EPHA1: variants seen among roughly 807,000 people sequenced by gnomAD.
The protein encoded by EPHA1 is ephrin type-A receptor 1.
In EPHA1, 92 loss-of-function variants were observed where a neutral mutation model predicts 110.1. The observed-to-expected ratio is 0.84, with a 90% confidence interval of 0.71 to 0.99. EPHA1 has a LOEUF of 0.99. Ranked by LOEUF, EPHA1 falls within the 50% of genes least tolerant of loss-of-function variation. EPHA1 has a pLI of 0.00. For synonymous variants in EPHA1, 500 were observed against 516.1 expected, an observed-to-expected ratio of 0.97 and a Z score of 0.42; for missense variants, 1,204 against 1,285.4, an observed-to-expected ratio of 0.94 and a Z score of 0.97.
In EPHA1 at chr7:143,397,940, T is replaced by C. The variant is rs1181962967; in HGVS notation, c.1595A>G (p.Glu532Gly). The C allele has an allele frequency of 6.2e-7, 1 of 1,613,946 alleles. No individual in the cohort carries two copies. Among genetic ancestry groups the C allele is most frequent in the African/African-American group, 1.3e-5 (1 of 74,900 alleles). Reference protein sequence around the residue: ...LGPGPFSPDHEFRTSPPVSRG... With the variant: ...LGPGPFSPDHGFRTSPPVSRG... ...CCCACCTGGTGGGCTGGTCCGAAAC[T>C]CATGATCAGGGGAGAAAGGGCCAGG... The change falls in exon 8 of 18, where the codon GAG (glutamate) becomes GGG (glycine). Residue 532 changes from glutamate (E) to glycine (G), a missense_variant. Physicochemically the swap from Glu to Gly is moderately conservative, Grantham distance 98 (BLOSUM62 -2). Coordinates refer to ENST00000275815, the MANE Select transcript of EPHA1 (RefSeq NM_005232.5).
chr7:143,402,791 G>T (rs754134115), intron 2 of EPHA1, among the ~76,000 whole-genome samples: 1 of 152,194 alleles, frequency 6.6e-6, no homozygotes, highest in Non-Finnish European at 1.5e-5. Context: ...AAATGAGCCA[G>T]ACACTCCAGG....
intron 7 of EPHA1, 102 bp from the exon 8 acceptor site, chr7:143,398,172 G>T: frequency 6.3e-7 from 1 of 1,579,248 alleles, no homozygotes; most frequent in South Asian, 1.2e-5. Flanking sequence ...GAGCAGAATG[G>T]TTAGGACAGG....
intron 9 of EPHA1, 85 bp from the exon 10 acceptor site, chr7:143,397,447 CG>C (rs1805286201): frequency 6.3e-7 from 1 of 1,579,712 alleles, no homozygotes; most frequent in Admixed American, 1.8e-5. Flanking sequence ...TCCCCAGAAA[CG>C]GGCTGGGAGT....
Position 143,391,462 on chromosome 7 carries a change from C to T in EPHA1, c.2926G>A (p.Asp976Asn), listed in dbSNP as rs1805078324. The change falls in exon 18 of 18, where the codon GAC (aspartate) becomes AAC (asparagine). Residue 976 changes from aspartate (D) to asparagine (N), a missense_variant. By Grantham distance (23) the Asp-to-Asn change is conservative. Transcript: ENST00000275815. The stretch of plus-strand genomic sequence containing the variant: ...GCATGGGGTGAGAGGAGGGATCAGT[C>T]CTTGAATCCCTGAATACTGCAAAGA... ...RILCSIQGFK[D>N] The T allele has an allele frequency of 1.2e-6, 2 of 1,614,104 alleles. No homozygotes were observed. The highest frequency in any genetic ancestry group is 4.5e-5 in the East Asian group (2 of 44,872).
In EPHA1 at chr7:143,398,770, G is replaced by A. The variant is rs140293993; in HGVS notation, c.1167C>T (p.Gly389=). 5.6e-5 allele frequency: 90 copies of A among 1,613,820 alleles called. No individual in the cohort carries two copies. The highest frequency in any genetic ancestry group is 3.3e-4 in the Middle Eastern group (2 of 6,062). The change falls in exon 6 of 18, where the codon GGC becomes GGT. Residue 389 remains glycine (G), a synonymous_variant. Transcript: ENST00000275815. ...CCCGGGCCCCCGGCGAGAAGTGCAC[G>A]CCCACCCCACAGGGCTGGCAGGGCC... The part of the protein sequence containing the change: ...DGGPCQPCGV[G]VHFSPGARGL...
intron 14 of EPHA1, 25 bp from the exon 15 acceptor site, chr7:143,394,368 CG>C (rs1805182575): frequency 6.2e-7 from 1 of 1,605,560 alleles, no homozygotes; most frequent in Non-Finnish European, 8.5e-7. Context: ...GGGTCAGGGA[CG>C]GAAAGTTATG....
In EPHA1 at chr7:143,395,175, C is replaced by T. The variant is rs757842125; in HGVS notation, c.2091G>A (p.Pro697=). Residue 697 remains proline (P), a synonymous_variant, in exon 13 of 18, where the codon CCG becomes CCA. Coordinates refer to ENST00000275815, the MANE Select transcript of EPHA1 (RefSeq NM_005232.5). This position sits in a 1 kb window ranked among gnomAD's most constrained non-coding sequence, Gnocchi z 4.7. The part of the protein sequence containing the change: ...HLEGVVTKRK[P]IMIITEFMEN... ...CCATAAATTCTGTGATGATCATGAT[C>T]GGCTTTCCTGAGACACAGACACACA... 13 of 1,613,636 alleles carry T rather than the reference C, an allele frequency of 8.1e-6. No homozygotes were observed. The highest frequency in any genetic ancestry group is 2.2e-5 in the East Asian group (1 of 44,894).
At chr7:143,404,723 T>C (rs1805500086) in intron 2 of EPHA1, among the ~76,000 whole-genome samples, 1 of 152,188 alleles carries the variant, frequency 6.6e-6, no homozygotes, top group Non-Finnish European at 1.5e-5. Context: ...TAGTTATAGC[T>C]GATGGTTCTG....
chr7:143,397,323 G>A lies in EPHA1; in HGVS notation c.1752C>T (p.Arg584=), dbSNP rs138374184. The part of the protein sequence containing the change: ...QRQRQQRQRD[R]ATDVDREDKL... ...ACTCACCTCGATCCACATCGGTGGC[G>A]CGGTCACGCTGCCTCTGCTGCCTCT... Residue 584 remains arginine (R), a synonymous_variant, in exon 10 of 18, where the codon CGC becomes CGT. Coordinates refer to ENST00000275815, the MANE Select transcript of EPHA1 (RefSeq NM_005232.5). The A allele has an allele frequency of 2.8e-5, 44 of 1,549,784 alleles. No homozygotes were observed. In the East Asian group the frequency reaches 4.2e-4, roughly 15 times the overall value.
chr7:143,398,864 G>A lies in EPHA1; in HGVS notation c.1073C>T (p.Thr358Met), dbSNP rs370810516. 66 of 1,613,332 alleles carry A rather than the reference G, an allele frequency of 4.1e-5. No individual in the cohort carries two copies. Among genetic ancestry groups the A allele is most frequent in the Admixed American group, 5.0e-5 (3 of 59,956 alleles). ...LSLRWEPPAD[T>M]GGRQDVRYSV... The stretch of plus-strand genomic sequence containing the variant: ...GTATCTGACATCCTGGCGTCCCCCC[G>A]TATCTGCTGGGGGTTCCCAACGCAG... The change falls in exon 6 of 18, where the codon ACG becomes ATG. Residue 358 changes from threonine to methionine, a missense_variant. Physicochemically the swap from Thr to Met is moderately conservative, Grantham distance 81. Coordinates refer to ENST00000275815, the MANE Select transcript of EPHA1 (RefSeq NM_005232.5).
chr7:143,397,726 A>T, intron 8 of EPHA1, 69 bp from the exon 9 acceptor site: 1 of 1,584,116 alleles, frequency 6.3e-7, no homozygotes, highest in East Asian at 2.2e-5. Context: ...GTTAAAGGGC[A>T]GGGCCCTGGG....
chr7:143,403,975 G>C (rs1193350814), intron 2 of EPHA1, among the ~76,000 whole-genome samples: 3 of 151,996 alleles, frequency 2.0e-5, no homozygotes, highest in Non-Finnish European at 4.4e-5. Flanking sequence ...TTTTCTCCCT[G>C]TCTGCCATAC....
Position 143,399,267 on chromosome 7 carries a change from C to A in EPHA1, c.982G>T (p.Ala328Ser). ...YRAPGEGPQV[A>S]CTGPPSAPRN... ...CACCCCCTGGACTCACCTGTGCATG[C>A]CACCTGGGGGCCCTCCCCGGGAGCT... The change falls in exon 5 of 18, where the codon GCA (alanine) becomes TCA (serine). Residue 328 changes from alanine (A) to serine (S), a missense_variant. By Grantham distance (99) the Ala-to-Ser change is moderately conservative. Coordinates refer to ENST00000275815, the MANE Select transcript of EPHA1 (RefSeq NM_005232.5). The A allele has an allele frequency of 6.2e-7, 1 of 1,611,576 alleles. No individual in the cohort carries two copies. The highest frequency in any genetic ancestry group is 8.5e-7 in the Non-Finnish European group (1 of 1,179,720).
At chr7:143,405,031 G>T (rs777522386) in intron 2 of EPHA1, among the ~76,000 whole-genome samples, 16 of 151,898 alleles carry the variant, frequency 1.1e-4, no homozygotes, top group Admixed American at 2.0e-4. Flanking sequence ...GGCAGAAATA[G>T]AAGCTGCTAT....
In EPHA1 at chr7:143,393,836, C is replaced by T. The variant is rs766796352; in HGVS notation, c.2531G>A (p.Arg844Gln). The T allele has an allele frequency of 2.6e-5, 41 of 1,579,724 alleles. No homozygotes were observed. The highest frequency in any genetic ancestry group is 1.9e-4 in the Admixed American group (11 of 57,178). ...AGGGCAGTCCACAGGAGGGGGCAAC[C>T]GGTACCCATCCTCAATGCTCTTCAT... ...EVMKSIEDGY[R>Q]LPPPVDCPAP... The change falls in exon 16 of 18, where the codon CGG becomes CAG. Residue 844 changes from arginine to glutamine, a missense_variant. Physicochemically the swap from Arg to Gln is conservative, Grantham distance 43 (BLOSUM62 1). Coordinates refer to ENST00000275815, the MANE Select transcript of EPHA1 (RefSeq NM_005232.5). This position sits in a 1 kb window ranked among gnomAD's most constrained non-coding sequence, Gnocchi z 5.6.
At chr7:143,397,770 G>C in intron 8 of EPHA1, 113 bp from the exon 9 acceptor site, 1 of 1,516,232 alleles carries the variant, frequency 6.6e-7, no homozygotes, top group East Asian at 2.3e-5. Flanking sequence ...GTGTGCATCA[G>C]GTCGGTGTCT....
rs755348512 is a variant in EPHA1 at position 143,401,476 on chromosome 7, G to C, written c.280C>G (p.Arg94Gly). 6.2e-7 allele frequency: 1 copy of C among 1,614,090 alleles called. No homozygotes were observed. The highest frequency in any genetic ancestry group is 1.1e-5 in the South Asian group (1 of 91,088). ...NWIYRGEEASRVHVELQFTVR... is the reference protein window; with the variant it reads ...NWIYRGEEASGVHVELQFTVR... Reference sequence around the variant, plus strand: ...GTGAACTGCAGCTCCACGTGGACGCGGGAAGCCTCCTCCCCGCGGTAGATC... The same window carrying C: ...GTGAACTGCAGCTCCACGTGGACGCCGGAAGCCTCCTCCCCGCGGTAGATC... Residue 94 changes from arginine (R) to glycine (G), a missense_variant, in exon 3 of 18, where the codon CGC (arginine) becomes GGC (glycine). By Grantham distance (125) the Arg-to-Gly change is moderately radical. Transcript: ENST00000275815. The surrounding 1 kb of genome is among the most constrained non-coding windows in gnomAD (Gnocchi z 4.1).
At position 143,397,232 on chromosome 7, in the gene EPHA1, C is replaced by G. The variant is rs1040036628; in HGVS notation, c.1771+72G>C. The G allele has an allele frequency of 5.4e-6, 8 of 1,477,078 alleles. No homozygotes were observed. In the Admixed American group the frequency reaches 1.2e-4, roughly 23 times the overall value. 91.5% of individuals were successfully genotyped at this position (1,477,078 alleles called of 1,614,324 possible). A position where few individuals can be genotyped will look rare whatever the true frequency, so the allele number is the denominator to read the frequency against. On this transcript the variant is annotated intron_variant, in intron 10 of 17. Coordinates refer to ENST00000275815, the MANE Select transcript of EPHA1 (RefSeq NM_005232.5). ...CTTGATCCCTTCCCAGTGGCATCTC[C>G]CAACACACACACACACGCACACACA...
At chr7:143,398,199 T>C in intron 7 of EPHA1, 122 bp downstream of exon 7, 3 of 1,576,430 alleles carry the variant, frequency 1.9e-6, no homozygotes, top group Non-Finnish European at 2.6e-6. Flanking sequence ...CATAGACTTT[T>C]GTCCTGAGAA....
Sources: allele counts gnomAD v4.1 joint callset (sites outside exome capture counted in the v4.1 genomes callset), GRCh38; gene constraint gnomAD v4.1.1; non-coding constraint Gnocchi (gnomAD v3.1); transcripts MANE v1.5; gene names NCBI Gene and HGNC (gene_info 2026-07-23, HGNC 2026-07-21).